C2orf42: variants seen among roughly 807,000 people sequenced by gnomAD.
The protein encoded by C2orf42 is uncharacterized protein C2orf42.
A neutral mutation model predicts 58.9 loss-of-function variants in C2orf42; 44 were observed. The ratio of observed to expected loss-of-function variants is 0.75; its 90% confidence interval spans 0.59 to 0.96. C2orf42 has a LOEUF of 0.96. C2orf42 is among the 40% of genes least tolerant of loss of function. The pLI is 0.00. For synonymous variants in C2orf42, 239 were observed against 265.4 expected (o/e 0.90, Z 0.97); for missense variants, 630 against 699.2 (o/e 0.90, Z 1.12).
intron 9 of C2orf42, among the ~76,000 whole-genome samples, chr2:70,157,220 C>A (rs982808825): frequency 6.6e-6 from 1 of 151,934 alleles, no homozygotes; most frequent in African/African-American, 2.4e-5. Context: ...TTTGGGCGGC[C>A]GAGGTGGATG....
Position 70,170,882 on chromosome 2 carries a change from G to A in C2orf42, c.1040-1221C>T, listed in dbSNP as rs529973650. On this transcript the variant is annotated intron_variant, in intron 5 of 9. Coordinates refer to ENST00000264434, the MANE Select transcript of C2orf42 (RefSeq NM_017880.3). ...TGTAATCCCAGCACTTTGGGAGGCCGAGGCGGGTGGATCATGAGGTCAGGA... is the reference window on the plus strand; with the variant it reads ...TGTAATCCCAGCACTTTGGGAGGCCAAGGCGGGTGGATCATGAGGTCAGGA... Among the ~76,000 whole-genome samples the A allele has an allele frequency of 2.0e-4, 30 of 152,124 alleles. No individual in the cohort carries two copies. The East Asian group carries it at 3.9e-3, about 20-fold the overall frequency.
chr2:70,159,102 G>A (rs1234186198), intron 9 of C2orf42, among the ~76,000 whole-genome samples: 1 of 150,096 alleles, frequency 6.7e-6, no homozygotes, highest in African/African-American at 2.5e-5. Context: ...TAGCCAGGAT[G>A]GTCTCGATCT....
At chr2:70,189,110 TA>T (rs200187399) in intron 1 of C2orf42, among the ~76,000 whole-genome samples, 1 of 150,988 alleles carries the variant, frequency 6.6e-6, no homozygotes. Flanking sequence ...TACAGCTGTT[TA>T]AAAAAAAATG....
At chr2:70,157,060 G>C (rs976337415) in intron 9 of C2orf42, among the ~76,000 whole-genome samples, 2 of 152,148 alleles carry the variant, frequency 1.3e-5, no homozygotes, top group Admixed American at 6.6e-5. Flanking sequence ...AAGGCTTTTA[G>C]AAATATAAGA....
intron 8 of C2orf42, among the ~76,000 whole-genome samples, chr2:70,164,676 G>C (rs951369668): frequency 6.6e-6 from 1 of 152,056 alleles, no homozygotes; most frequent in Non-Finnish European, 1.5e-5. Context: ...TCTCTAATGA[G>C]AACAAAGCTG....
Position 70,181,156 on chromosome 2 carries a change from C to G in C2orf42, c.823+7G>C. Reference sequence around the variant, plus strand: ...AACGTAATAACCACATCAACCATACCACCTACCGCTGGAATCAAAATTTAG... The same window carrying G: ...AACGTAATAACCACATCAACCATACGACCTACCGCTGGAATCAAAATTTAG... On this transcript the variant is annotated splice_region_variant and intron_variant, in intron 3 of 9. Transcript: ENST00000264434. 1 of 1,515,230 alleles carries G rather than the reference C, an allele frequency of 6.6e-7. No individual in the cohort carries two copies. Among genetic ancestry groups the G allele is most frequent in the South Asian group, 1.2e-5 (1 of 80,386 alleles). 93.9% of individuals were successfully genotyped at this position (1,515,230 alleles called of 1,614,324 possible).
At chr2:70,175,036 T>C (rs1674093749) in intron 5 of C2orf42, among the ~76,000 whole-genome samples, 1 of 152,118 alleles carries the variant, frequency 6.6e-6, no homozygotes, top group Non-Finnish European at 1.5e-5. Flanking sequence ...TTAGACATAA[T>C]TTAGTTTTTT....
chr2:70,168,412 C>G (rs1410849336), intron 6 of C2orf42, among the ~76,000 whole-genome samples: 1 of 150,280 alleles, frequency 6.7e-6, no homozygotes, highest in Non-Finnish European at 1.5e-5. Flanking sequence ...CTCAGCCTCC[C>G]GAGTAGCTGG....
At chr2:70,158,438 ATTTATTTATTTG>A (rs973280126) in intron 9 of C2orf42, among the ~76,000 whole-genome samples, 6 of 145,106 alleles carry the variant, frequency 4.1e-5, no homozygotes, top group African/African-American at 8.3e-5. Flanking sequence ...TTATTTATTT[ATTTATTTATTTG>A]TTTGTTTGTT....
intron 2 of C2orf42, 24 bp from the exon 3 acceptor site, chr2:70,182,021 A>G (rs761644102): frequency 9.5e-7 from 1 of 1,052,012 alleles, no homozygotes; most frequent in Admixed American, 2.0e-5. Context: ...TACATCCAAC[A>G]GTATGAGTAT....
At chr2:70,170,943 G>A (rs1308383366) in intron 5 of C2orf42, among the ~76,000 whole-genome samples, 5 of 151,390 alleles carry the variant, frequency 3.3e-5, no homozygotes, top group East Asian at 3.9e-4. Flanking sequence ...GTGAAACCCC[G>A]TCTCTACTAA....
At chr2:70,187,831 C>T (rs1675055547) in intron 1 of C2orf42, among the ~76,000 whole-genome samples, 1 of 151,726 alleles carries the variant, frequency 6.6e-6, no homozygotes, top group Non-Finnish European at 1.5e-5. Flanking sequence ...ACTGAGACTA[C>T]AGGCACATGC....
chr2:70,166,340 T>G (rs1376980631), intron 6 of C2orf42, among the ~76,000 whole-genome samples: 1 of 143,450 alleles, frequency 7.0e-6, no homozygotes. Context: ...GGCAACAGAG[T>G]GAGACCCTCC....
intron 9 of C2orf42, among the ~76,000 whole-genome samples, chr2:70,154,513 T>C (rs1672532770): frequency 6.8e-6 from 1 of 147,768 alleles, no homozygotes; most frequent in South Asian, 2.1e-4. Flanking sequence ...AGCATGCATC[T>C]AGACAGATTA....
chr2:70,151,647 A>C (rs1403404454), intron 9 of C2orf42, among the ~76,000 whole-genome samples: 7 of 152,074 alleles, frequency 4.6e-5, no homozygotes, highest in Non-Finnish European at 1.0e-4. Flanking sequence ...AAACACCCCC[A>C]AAAAATAAAA....
chr2:70,151,358 A>T (rs1385428197), intron 9 of C2orf42, among the ~76,000 whole-genome samples: 1 of 152,140 alleles, frequency 6.6e-6, no homozygotes, highest in Non-Finnish European at 1.5e-5. Context: ...AGGATAGGCC[A>T]GGGACAGTGG....
At chr2:70,175,862 T>A (rs780354319) in intron 4 of C2orf42, 85 bp from the exon 5 acceptor site, 22 of 857,450 alleles carry the variant, frequency 2.6e-5, no homozygotes, top group Non-Finnish European at 3.9e-5. Flanking sequence ...CTAAAACATA[T>A]AAACAGTCTT....
chr2:70,175,321 C>T (rs531552256), intron 5 of C2orf42, among the ~76,000 whole-genome samples: 2 of 152,160 alleles, frequency 1.3e-5, no homozygotes, highest in Admixed American at 6.6e-5. Context: ...CCTCTCACCC[C>T]CTTCCACCTT....
chr2:70,181,759 G>C lies in C2orf42; in HGVS notation c.227C>G (p.Ser76Ter). 6.2e-7 allele frequency: 1 copy of C among 1,614,126 alleles called. No individual in the cohort carries two copies. Among genetic ancestry groups the C allele is most frequent in the Non-Finnish European group, 8.5e-7 (1 of 1,179,994 alleles). ...IITGSDLQVY[S>*]VRQRDRGPDY... ...AGGGCCCCGGTCTCTTTGCCGCACT[G>C]AGTAGACCTGAAGATCAGAGCCTGT... The change falls in exon 3 of 10, where the codon TCA becomes TGA. Residue 76 changes from serine (S) to a stop codon, truncating the protein, a stop_gained. Coordinates refer to ENST00000264434, the MANE Select transcript of C2orf42 (RefSeq NM_017880.3). LOFTEE classifies it high-confidence loss of function.
Sources: allele counts gnomAD v4.1 joint callset (sites outside exome capture counted in the v4.1 genomes callset), GRCh38; gene constraint gnomAD v4.1.1; transcripts MANE v1.5; gene names NCBI Gene and HGNC (gene_info 2026-07-23, HGNC 2026-07-21).